MIPOL1: variants seen among roughly 807,000 people sequenced by gnomAD.
MIPOL1 encodes the protein mirror-image polydactyly gene 1 protein.
Under a neutral mutation model 60.9 loss-of-function variants are expected in MIPOL1, and 57 were observed. The observed-to-expected ratio is 0.94, with a 90% CI of 0.76 to 1.17. The LOEUF (loss-of-function observed/expected upper bound fraction) is 1.17, where lower values mean the gene tolerates loss of function less well. MIPOL1 is among the 50% of genes most tolerant of loss of function. The pLI is 0.00. For synonymous variants in MIPOL1, 179 were observed against 168.8 expected (o/e 1.06, Z -0.47); for missense variants, 551 against 511.6 (o/e 1.08, Z -0.74).
At chr14:37,450,070 C>G (rs2094395494) in intron 11 of MIPOL1, among the ~76,000 whole-genome samples, 1 of 152,170 alleles carries the variant, frequency 6.6e-6, no homozygotes, top group Non-Finnish European at 1.5e-5. Context: ...GCCTTGGTCT[C>G]CCAAAGTGCT....
chr14:37,362,411 T>A (rs138047059), intron 9 of MIPOL1, among the ~76,000 whole-genome samples: 3 of 152,166 alleles, frequency 2.0e-5, no homozygotes, highest in African/African-American at 7.2e-5. Flanking sequence ...AAAATTCTTT[T>A]CTTTAAGAAT....
chr14:37,523,501 A>G, intron 12 of MIPOL1: 1 of 427,318 alleles, frequency 2.3e-6, no homozygotes, highest in East Asian at 3.5e-5. Context: ...TTTCATTCCA[A>G]ATAAAAAAGA....
rs2095558548 is a variant in MIPOL1, at chr14:37,550,212, T to C, written c.*3241T>C. ...TCAGGTTGCTTATTTATATAATTTG[T>C]TTATTTTATTAAAAATCTAGAATAT... On this transcript the variant is annotated 3_prime_UTR_variant, in exon 13 of 13. Transcript: ENST00000684589. 1 of 151,030 alleles carries C rather than the reference T, an allele frequency of 6.6e-6. No homozygotes were observed. The highest frequency in any genetic ancestry group is 1.5e-5 in the Non-Finnish European group (1 of 67,628). 9.4% of individuals were successfully genotyped at this position (151,030 alleles called of 1,614,324 possible).
intron 9 of MIPOL1, among the ~76,000 whole-genome samples, chr14:37,326,534 T>A (rs780583037): frequency 2.0e-5 from 3 of 152,220 alleles, no homozygotes; most frequent in African/African-American, 7.2e-5. Flanking sequence ...GTAGTCACCC[T>A]TCCATTATTC....
intron 12 of MIPOL1, among the ~76,000 whole-genome samples, chr14:37,512,506 TCAATA>T (rs927338644): frequency 1.3e-5 from 2 of 151,866 alleles, no homozygotes; most frequent in African/African-American, 4.8e-5. Context: ...GCTATTTTCA[TCAATA>T]CATTTTACTA....
At chr14:37,435,972 T>C (rs1427367613) in intron 11 of MIPOL1, among the ~76,000 whole-genome samples, 2 of 152,172 alleles carry the variant, frequency 1.3e-5, no homozygotes. Flanking sequence ...AGTGTTGTGC[T>C]TTACAAAAGG....
chr14:37,514,704 C>T (rs1282936542), intron 12 of MIPOL1, among the ~76,000 whole-genome samples: 1 of 151,900 alleles, frequency 6.6e-6, no homozygotes, highest in Non-Finnish European at 1.5e-5. Context: ...TCACAGCAAC[C>T]TCCGCCTCCC....
At chr14:37,488,572 T>A (rs1039824626) in intron 11 of MIPOL1, among the ~76,000 whole-genome samples, 1 of 152,134 alleles carries the variant, frequency 6.6e-6, no homozygotes, top group African/African-American at 2.4e-5. Flanking sequence ...TACCATTGTA[T>A]CATGCCCTTC....
chr14:37,442,088 T>TTGTGTGTGTGTG (rs3985271), intron 11 of MIPOL1, among the ~76,000 whole-genome samples: 7 of 143,818 alleles, frequency 4.9e-5, no homozygotes, highest in Admixed American at 1.4e-4. Context: ...TTCTACTTTG[T>TTGTGTGTGTGTG]TGTGTGTGTG....
chr14:37,432,527 G>T (rs910815161), intron 11 of MIPOL1, among the ~76,000 whole-genome samples: 1 of 152,118 alleles, frequency 6.6e-6, no homozygotes, highest in Non-Finnish European at 1.5e-5. Flanking sequence ...AGTCCAGCAT[G>T]TAGGTTAGTT....
At chr14:37,492,348 T>C (rs1207650797) in intron 11 of MIPOL1, among the ~76,000 whole-genome samples, 1 of 152,228 alleles carries the variant, frequency 6.6e-6, no homozygotes, top group East Asian at 1.9e-4. Flanking sequence ...TTAAGAATGT[T>C]ATCAGTAAGT....
At chr14:37,203,277 T>C (rs1965596041) in intron 1 of MIPOL1, among the ~76,000 whole-genome samples, 1 of 152,226 alleles carries the variant, frequency 6.6e-6, no homozygotes, top group Admixed American at 6.5e-5. Context: ...CTGTTTGTTT[T>C]AACTTTTCCT....
At chr14:37,490,162 C>G (rs1191865193) in intron 11 of MIPOL1, among the ~76,000 whole-genome samples, 1 of 152,150 alleles carries the variant, frequency 6.6e-6, no homozygotes, top group Non-Finnish European at 1.5e-5. Flanking sequence ...GAGAGGAAGA[C>G]TCTAGAGAGG....
intron 12 of MIPOL1, among the ~76,000 whole-genome samples, chr14:37,509,163 A>C (rs2153621436): frequency 6.6e-6 from 1 of 152,070 alleles, no homozygotes; most frequent in South Asian, 2.1e-4. Flanking sequence ...CCAAATACTT[A>C]TCTTAGTACT....
At chr14:37,443,010 G>C (rs1188489828) in intron 11 of MIPOL1, among the ~76,000 whole-genome samples, 3 of 152,012 alleles carry the variant, frequency 2.0e-5, no homozygotes, top group Non-Finnish European at 4.4e-5. Context: ...ATCCAGAATA[G>C]CCAAACTGAT....
At chr14:37,496,497 T>C (rs1412391455) in intron 11 of MIPOL1, among the ~76,000 whole-genome samples, 3 of 144,824 alleles carry the variant, frequency 2.1e-5, no homozygotes, top group Admixed American at 7.0e-5. Context: ...AGCATTCTTA[T>C]ACACCAATAA....
intron 11 of MIPOL1, among the ~76,000 whole-genome samples, chr14:37,475,317 A>G (rs1346004683): frequency 1.3e-5 from 2 of 152,134 alleles, no homozygotes; most frequent in Non-Finnish European, 2.9e-5. Context: ...TATTTTGAAT[A>G]CCAGTCCTTT....
At chr14:37,447,430 A>C (rs1245079395) in intron 11 of MIPOL1, among the ~76,000 whole-genome samples, 26 of 152,112 alleles carry the variant, frequency 1.7e-4, no homozygotes, top group Admixed American at 1.7e-3. Flanking sequence ...TGCCCATCAC[A>C]CTTTTAGGAG....
intron 11 of MIPOL1, among the ~76,000 whole-genome samples, chr14:37,483,300 A>C (rs1594635742): frequency 1.3e-5 from 2 of 151,778 alleles, no homozygotes; most frequent in Non-Finnish European, 2.9e-5. Context: ...TTTTTAGTAG[A>C]GATGAGGTCT....
Sources: allele counts gnomAD v4.1 joint callset (sites outside exome capture counted in the v4.1 genomes callset), GRCh38; gene constraint gnomAD v4.1.1; transcripts MANE v1.5; gene names NCBI Gene and HGNC (gene_info 2026-07-23, HGNC 2026-07-21).